DPYSL5: variants seen among roughly 807,000 people sequenced by gnomAD.
DPYSL5 encodes the protein dihydropyrimidinase like 5.
Under a neutral mutation model 58.4 loss-of-function variants are expected in DPYSL5, and 9 were observed. The ratio of observed to expected loss-of-function variants is 0.15; its 90% CI spans 0.09 to 0.27. DPYSL5 has a LOEUF of 0.27. DPYSL5 is among the 10% of genes least tolerant of loss of function. The pLI is 1.00. For synonymous variants in DPYSL5, 293 were observed against 301.9 expected, an observed-to-expected ratio of 0.97 and a Z score of 0.31; for missense variants, 499 against 770.6, an observed-to-expected ratio of 0.65 and a Z score of 4.17.
intron 1 of DPYSL5, among the ~76,000 whole-genome samples, chr2:26,884,395 A>G (rs1326470387): frequency 1.3e-5 from 2 of 152,112 alleles, no homozygotes; most frequent in Non-Finnish European, 2.9e-5. Context: ...TCCTGGCCTC[A>G]GGGAGTCAGC....
At chr2:26,863,102 T>C (rs1479384517) in intron 1 of DPYSL5, among the ~76,000 whole-genome samples, 1 of 152,144 alleles carries the variant, frequency 6.6e-6, no homozygotes, top group Non-Finnish European at 1.5e-5. Context: ...ATTATCTTCC[T>C]CAGAATCCAT....
Position 26,946,019 on chromosome 2 carries a change from C to T in DPYSL5, c.1610-891C>T, listed in dbSNP as rs1297455033. Among the ~76,000 whole-genome samples, 3 of 152,202 alleles carry T rather than the reference C, an allele frequency of 2.0e-5. No individual in the cohort carries two copies. In the South Asian group the frequency reaches 6.2e-4, roughly 31 times the overall value. ...CAGTCTCATTCCTGAGATGATGGCT[C>T]CGCTACTCTGAGGGCCACTGCCACT... On this transcript the variant is annotated intron_variant, in intron 12 of 12. Coordinates refer to ENST00000288699, the MANE Select transcript of DPYSL5 (RefSeq NM_020134.4).
chr2:26,920,829 G>A (rs1247164517), intron 2 of DPYSL5, among the ~76,000 whole-genome samples: 1 of 152,210 alleles, frequency 6.6e-6, no homozygotes, highest in East Asian at 1.9e-4. Flanking sequence ...TGTGTGGGGA[G>A]TATGTGTGTT....
At chr2:26,882,215 G>T (rs1319160623) in intron 1 of DPYSL5, among the ~76,000 whole-genome samples, 1 of 150,616 alleles carries the variant, frequency 6.6e-6, no homozygotes, top group Non-Finnish European at 1.5e-5. Flanking sequence ...CAATATAAAA[G>T]TACTTGCATG....
Position 26,928,704 on chromosome 2 carries a change from T to TATATATATATACACACAC in DPYSL5, c.669+382_669+383insTATATATATACACACACA. Among the ~76,000 whole-genome samples the TATATATATATACACACAC allele has an allele frequency of 3.0e-4, 19 of 63,000 alleles. 2 individuals are homozygous for TATATATATATACACACAC. The highest frequency in any genetic ancestry group is 1.1e-3 in the African/African-American group (18 of 15,894). 41.3% of individuals were successfully genotyped at this position (63,000 alleles called of 152,430 possible). On this transcript the variant is annotated intron_variant, in intron 5 of 12. Transcript: ENST00000288699. Reference sequence around the variant, plus strand: ...GTGATAGAGTATATATATATATATATACACACACACACATACATATATATA... The same window carrying TATATATATATACACACAC: ...GTGATAGAGTATATATATATATATATATATATATATACACACACACACACACACACATACATATATATA...
In DPYSL5 at chr2:26,942,565, G is replaced by C. The variant is rs763298547; in HGVS notation, c.1255G>C (p.Val419Leu). ...CAGGACCATCTCAGCCAGCACGCAGGTCCAGGGAGGAGACTTCAACCTGTA... is the reference window on the plus strand; with the variant it reads ...CAGGACCATCTCAGCCAGCACGCAGCTCCAGGGAGGAGACTTCAACCTGTA... ...ATKTISASTQ[V>L]QGGDFNLYEN... is the part of the protein sequence containing the mutation. The change falls in exon 11 of 13, where the codon GTC becomes CTC. Residue 419 changes from valine to leucine, a missense_variant. Coordinates refer to ENST00000288699, the MANE Select transcript of DPYSL5 (RefSeq NM_020134.4). The surrounding 1 kb of genome is among the most constrained non-coding windows in gnomAD (Gnocchi z 5.9). The C allele has an allele frequency of 6.2e-7, 1 of 1,614,116 alleles. No homozygotes were observed. Among genetic ancestry groups the C allele is most frequent in the South Asian group, 1.1e-5 (1 of 91,074 alleles).
In DPYSL5 at chr2:26,924,926, G is replaced by A. The variant is rs777187108; in HGVS notation, c.301G>A (p.Val101Ile). 29 of 1,614,148 alleles carry A rather than the reference G, an allele frequency of 1.8e-5. No individual in the cohort carries two copies. Among genetic ancestry groups the A allele is most frequent in the East Asian group, 2.2e-5 (1 of 44,874 alleles). The change falls in exon 3 of 13, where the codon GTC becomes ATC. Residue 101 changes from valine to isoleucine, a missense_variant. By Grantham distance (29) the Val-to-Ile change is conservative. Coordinates refer to ENST00000288699, the MANE Select transcript of DPYSL5 (RefSeq NM_020134.4). The surrounding 1 kb of genome is among the most constrained non-coding windows in gnomAD (Gnocchi z 4.7). ...AGGCACCACCATGATCATCGGCCAC[G>A]TCCTGCCCGACAAGGAGACCTCCCT... ...VGGTTMIIGH[V>I]LPDKETSLVD...
intron 1 of DPYSL5, among the ~76,000 whole-genome samples, chr2:26,897,539 A>G (rs947761337): frequency 3.9e-5 from 6 of 152,110 alleles, no homozygotes; most frequent in Non-Finnish European, 8.8e-5. Flanking sequence ...TTCTTTTTAA[A>G]TGTTGCTGAA....
chr2:26,889,507 T>G (rs1381908695), intron 1 of DPYSL5, among the ~76,000 whole-genome samples: 1 of 151,706 alleles, frequency 6.6e-6, no homozygotes, highest in Non-Finnish European at 1.5e-5. Flanking sequence ...CCTGACCTCA[T>G]GATCCACCTG....
chr2:26,928,714 C>CACACACACACACACACACACACACAA (rs1664892470), intron 5 of DPYSL5, among the ~76,000 whole-genome samples: 1 of 44,690 alleles, frequency 2.2e-5, no homozygotes, highest in Non-Finnish European at 5.2e-5. Flanking sequence ...TACACACACA[C>CACACACACACACACACACACACACAA]ACATACATAT....
intron 1 of DPYSL5, among the ~76,000 whole-genome samples, chr2:26,890,571 A>G (rs908207038): frequency 7.2e-5 from 11 of 152,206 alleles, no homozygotes; most frequent in Non-Finnish European, 1.2e-4. Flanking sequence ...AGGCTGGGCC[A>G]TCACTCACAC....
At chr2:26,926,517 G>A (rs897773922) in intron 3 of DPYSL5, among the ~76,000 whole-genome samples, 7 of 152,178 alleles carry the variant, frequency 4.6e-5, no homozygotes, top group Admixed American at 1.3e-4. Flanking sequence ...TCTAATTATA[G>A]ATGTGAAAAA....
chr2:26,927,439 C>G lies in DPYSL5; in HGVS notation c.600+7C>G. 6.2e-7 allele frequency: 1 copy of G among 1,613,244 alleles called. No homozygotes were observed. Among genetic ancestry groups the G allele is most frequent in the Non-Finnish European group, 8.5e-7 (1 of 1,179,596 alleles). On this transcript the variant is annotated splice_region_variant and intron_variant, in intron 4 of 12. Transcript: ENST00000288699. The surrounding 1 kb of genome is among the most constrained non-coding windows in gnomAD (Gnocchi z 4.3). ...TGGGGAGCTTGTGGCCGAGGCAAGT[C>G]TGCAGCCAAGAATATTGGATGGAGG...
At position 26,868,455 on chromosome 2, in the gene DPYSL5, T is replaced by C. The variant is rs903660958; in HGVS notation, c.-5+20201T>C. On this transcript the variant is annotated intron_variant, in intron 1 of 12. Coordinates refer to ENST00000288699, the MANE Select transcript of DPYSL5 (RefSeq NM_020134.4). ...GTCTCCCAGGTTGTCTTCTAGTCTT[T>C]TTATTGTTTTATGTTTTACATTTAA... Among the ~76,000 whole-genome samples, 3 of 152,230 alleles carry C rather than the reference T, an allele frequency of 2.0e-5. No individual in the cohort carries two copies. The East Asian group carries it at 5.8e-4, about 29-fold the overall frequency.
chr2:26,864,124 A>G (rs1666084353), intron 1 of DPYSL5, among the ~76,000 whole-genome samples: 1 of 152,234 alleles, frequency 6.6e-6, no homozygotes, highest in Non-Finnish European at 1.5e-5. Context: ...GCGCGCCTGT[A>G]GTCCCAGCTA....
intron 1 of DPYSL5, among the ~76,000 whole-genome samples, chr2:26,862,920 G>A (rs544868249): frequency 6.6e-6 from 1 of 152,290 alleles, no homozygotes; most frequent in South Asian, 2.1e-4. Context: ...CCTGCCCCTG[G>A]TGTTTTTGTT....
rs530292570 is a variant in DPYSL5, at chr2:26,943,553, G to A, written c.1440+803G>A. Among the ~76,000 whole-genome samples the A allele has an allele frequency of 2.6e-5, 4 of 152,302 alleles. No individual in the cohort carries two copies. In the East Asian group the frequency reaches 5.8e-4, roughly 22 times the overall value. ...GCTGGGATTACAGGCGTGAGCCACT[G>A]TGCGCGGCCCAATAACACTTTTTAA... On this transcript the variant is annotated intron_variant, in intron 11 of 12. Transcript: ENST00000288699.
intron 2 of DPYSL5, among the ~76,000 whole-genome samples, chr2:26,910,442 T>C (rs1664406037): frequency 6.6e-6 from 1 of 152,190 alleles, no homozygotes; most frequent in Admixed American, 6.5e-5. Flanking sequence ...CTCAGTGTGG[T>C]TACAATGTGC....
chr2:26,918,449 T>G (rs1176740255), intron 2 of DPYSL5, among the ~76,000 whole-genome samples: 1 of 149,964 alleles, frequency 6.7e-6, no homozygotes, highest in Non-Finnish European at 1.5e-5. Flanking sequence ...CCATGAGCAA[T>G]AGAGAAACTA....
Sources: gnomAD v4.1 joint callset for allele counts (sites outside exome capture counted in the v4.1 genomes callset) on GRCh38, gnomAD v4.1.1 for gene constraint, Gnocchi (gnomAD v3.1) non-coding constraint, MANE v1.5 for transcripts, NCBI Gene and HGNC (gene_info 2026-07-23, HGNC 2026-07-21) for gene names.